ACTR3B: variants seen among roughly 807,000 people sequenced by gnomAD.
ACTR3B encodes actin-related protein 3B.
In ACTR3B, 8 loss-of-function variants were observed where a neutral mutation model predicts 59.0. That is an observed-to-expected ratio of 0.14 (90% CI 0.08 to 0.24). The LOEUF (loss-of-function observed/expected upper bound fraction) is 0.24, where lower values mean the gene tolerates loss of function less well. Ranked by LOEUF, ACTR3B falls within the 10% of genes least tolerant of loss-of-function variation. The pLI is 1.00. For synonymous variants in ACTR3B, 148 were observed against 197.9 expected (o/e 0.75, Z 2.12); for missense variants, 245 against 552.3 (o/e 0.44, Z 5.58).
intron 2 of ACTR3B, among the ~76,000 whole-genome samples, chr7:152,796,860 G>GGTTTT (rs2098218252): frequency 1.3e-4 from 7 of 54,752 alleles, no homozygotes; most frequent in African/African-American, 4.9e-4. Flanking sequence ...TAGTTTTTGT[G>GGTTTT]TTTTTTTTTT....
chr7:152,773,994 C>T (rs1370804452), intron 1 of ACTR3B, among the ~76,000 whole-genome samples: 3 of 152,150 alleles, frequency 2.0e-5, no homozygotes, highest in Admixed American at 1.3e-4. Flanking sequence ...GTGTTGGGCT[C>T]GTTCTCAGCT....
At chr7:152,785,376 T>TG (rs1554433986) in intron 2 of ACTR3B, among the ~76,000 whole-genome samples, 6 of 5,326 alleles carry the variant, frequency 1.1e-3, no homozygotes, top group Non-Finnish European at 2.0e-3. Context: ...GAGTTTGTTG[T>TG]GAGGGGGGGG....
chr7:152,807,205 A>G lies in ACTR3B; in HGVS notation c.336+5474A>G, dbSNP rs537312866. On this transcript the variant is annotated intron_variant, in intron 4 of 11. Transcript: ENST00000256001. Reference sequence around the variant, plus strand: ...AGATCATTTCCCCCTTCACTACAGTAGAATTGTAAGTATAGAAAATTTGGA... The same window carrying G: ...AGATCATTTCCCCCTTCACTACAGTGGAATTGTAAGTATAGAAAATTTGGA... 3.9e-5 allele frequency among the ~76,000 whole-genome samples: 6 copies of G among 152,384 alleles called. No homozygotes were observed. In the East Asian group the frequency reaches 1.2e-3, roughly 29 times the overall value.
chr7:152,805,268 A>T (rs2098248883), intron 4 of ACTR3B, among the ~76,000 whole-genome samples: 1 of 151,532 alleles, frequency 6.6e-6, no homozygotes, highest in South Asian at 2.1e-4. Context: ...GATGGGAAAC[A>T]TGAGAAGAAA....
chr7:152,766,236 T>C (rs954141884), intron 1 of ACTR3B, among the ~76,000 whole-genome samples: 2 of 152,160 alleles, frequency 1.3e-5, no homozygotes, highest in Non-Finnish European at 2.9e-5. Context: ...CCTCACCCAG[T>C]GCAGCCGTGC....
chr7:152,759,819 C>A lies in ACTR3B; in HGVS notation c.-64C>A, dbSNP rs1271988879. ...CGCTGCGCGCGGGGCTAGCGGGCGGCGGAGCGGACGGCGACGGGGCGCTCT... is the reference window on the plus strand; with the variant it reads ...CGCTGCGCGCGGGGCTAGCGGGCGGAGGAGCGGACGGCGACGGGGCGCTCT... On this transcript the variant is annotated 5_prime_UTR_variant, in exon 1 of 12. Transcript: ENST00000256001. 1.9e-4 allele frequency: 220 copies of A among 1,160,104 alleles called. 1 individual carries two copies. Among genetic ancestry groups the A allele is most frequent in the South Asian group, 2.7e-4 (7 of 25,516 alleles). 71.9% of individuals were successfully genotyped at this position (1,160,104 alleles called of 1,614,324 possible). A position where few individuals can be genotyped will look rare whatever the true frequency, so the allele number is the denominator to read the frequency against.
intron 9 of ACTR3B, among the ~76,000 whole-genome samples, chr7:152,840,579 C>T (rs1226835854): frequency 2.7e-5 from 4 of 148,168 alleles, no homozygotes; most frequent in Admixed American, 6.7e-5. Context: ...TGAAGGGCTC[C>T]GAACGCCCTG....
intron 7 of ACTR3B, among the ~76,000 whole-genome samples, chr7:152,821,922 A>G (rs1027403345): frequency 1.3e-5 from 2 of 152,232 alleles, no homozygotes; most frequent in Non-Finnish European, 2.9e-5. Flanking sequence ...CCCTTGCAGC[A>G]TGAATCCTGA....
chr7:152,838,811 C>G (rs201016338), intron 9 of ACTR3B, among the ~76,000 whole-genome samples: 8,186 of 149,216 alleles, frequency 0.055, 149 homozygotes, highest in Middle Eastern at 0.1. Context: ...GCCCTCAAGG[C>G]CAGGGTTCCA....
At position 152,825,100 on chromosome 7, in the gene ACTR3B, A is replaced by G; in HGVS notation, c.929A>G (p.Asp310Gly). 6.2e-7 allele frequency: 1 copy of G among 1,613,786 alleles called. No individual in the cohort carries two copies. The highest frequency in any genetic ancestry group is 8.5e-7 in the Non-Finnish European group (1 of 1,179,808). Residue 310 changes from aspartate (D) to glycine (G), a missense_variant, in exon 9 of 12, where the codon GAT becomes GGT. Around this residue, in one of 7 missense-constraint regions of ACTR3B, gnomAD observed 153 missense variants for 266.2 expected, o/e 0.57. Coordinates refer to ENST00000256001, the MANE Select transcript of ACTR3B (RefSeq NM_020445.6). Reference protein sequence around the residue: ...VDEVIQNCPIDVRRPLYKNVV... With the variant: ...VDEVIQNCPIGVRRPLYKNVV... ...GAAGTAATACAGAACTGCCCCATCG[A>G]TGTGCGGCGCCCGCTGTATAAGGTA...
intron 7 of ACTR3B, among the ~76,000 whole-genome samples, chr7:152,821,261 C>T (rs1796129704): frequency 6.6e-6 from 1 of 152,058 alleles, no homozygotes; most frequent in South Asian, 2.1e-4. Context: ...CTTTCTTTGC[C>T]TTTCCTCCAT....
intron 1 of ACTR3B, among the ~76,000 whole-genome samples, chr7:152,766,897 C>T (rs1403411892): frequency 6.6e-6 from 1 of 152,148 alleles, no homozygotes; most frequent in Non-Finnish European, 1.5e-5. Flanking sequence ...AGCGATTCTC[C>T]TGCTGCAGCC....
intron 4 of ACTR3B, chr7:152,811,756 G>A (rs1795254356): frequency 6.6e-6 from 1 of 151,638 alleles, no homozygotes; most frequent in African/African-American, 2.4e-5. Flanking sequence ...ACATGTTCTT[G>A]CCTCCCCTTC....
intron 2 of ACTR3B, among the ~76,000 whole-genome samples, chr7:152,790,135 C>T (rs1430045884): frequency 6.6e-6 from 1 of 151,134 alleles, no homozygotes; most frequent in East Asian, 1.9e-4. Flanking sequence ...TGGGACCACA[C>T]ATGGGAGCCA....
intron 1 of ACTR3B, among the ~76,000 whole-genome samples, chr7:152,770,717 T>G (rs1472878385): frequency 6.7e-6 from 1 of 148,914 alleles, no homozygotes; most frequent in East Asian, 1.9e-4. Context: ...CAGCCAATTC[T>G]TCTAAACAAC....
intron 2 of ACTR3B, among the ~76,000 whole-genome samples, chr7:152,794,284 C>T (rs1214751655): frequency 2.6e-5 from 4 of 152,282 alleles, no homozygotes; most frequent in Admixed American, 2.0e-4. Context: ...GTGGCGTGAT[C>T]TCGGCTCACT....
Position 152,789,997 on chromosome 7 carries a change from CTTTTTT to C in ACTR3B, c.100+6772_100+6777del, listed in dbSNP as rs756068314. On this transcript the variant is annotated intron_variant, in intron 2 of 11. Coordinates refer to ENST00000256001, the MANE Select transcript of ACTR3B (RefSeq NM_020445.6). ...ATGGTTTTGGACATTTGTACTCTTT[CTTTTTT>C]TTTTTTTTTTTTTTTTGAGGCACTG... is the stretch of plus-strand genomic sequence containing the variant. 4.1e-4 allele frequency among the ~76,000 whole-genome samples: 42 copies of C among 102,834 alleles called. No individual in the cohort carries two copies. In the East Asian group the frequency reaches 9.8e-3, roughly 24 times the overall value. The allele number at this position is 102,834 out of a possible 152,430, so 67.5% of individuals were successfully genotyped here. A position where few individuals can be genotyped will look rare whatever the true frequency, so the allele number is the denominator to read the frequency against.
At chr7:152,800,380 T>A in intron 2 of ACTR3B, 151 bp from the exon 3 acceptor site, 1 of 1,065,108 alleles carries the variant, frequency 9.4e-7, no homozygotes, top group Non-Finnish European at 1.3e-6. Flanking sequence ...TATGTACTCA[T>A]TGACATTGTC....
chr7:152,777,128 G>A lies in ACTR3B; in HGVS notation c.45-6059G>A, dbSNP rs570543247. Among the ~76,000 whole-genome samples the A allele has an allele frequency of 1.5e-3, 228 of 152,194 alleles. 2 individuals are homozygous for A. Among genetic ancestry groups the A allele is most frequent in the Admixed American group, 5.0e-3 (76 of 15,282 alleles). On this transcript the variant is annotated intron_variant, in intron 1 of 11. Transcript: ENST00000256001. ...GGTATGTGCATTAAAATTTTTGATA[G>A]CTAATGTGACCCTTTATAATGGCTC...
Sources: allele counts gnomAD v4.1 joint callset (sites outside exome capture counted in the v4.1 genomes callset), GRCh38; gene constraint gnomAD v4.1.1; regional missense constraint gnomAD v4.1.1; transcripts MANE v1.5; gene names NCBI Gene and HGNC (gene_info 2026-07-23, HGNC 2026-07-21).